The following LMLN variants were observed in gnomAD, a reference collection of about 807,000 sequenced individuals.
LMLN encodes the protein leishmanolysin-like peptidase.
A neutral mutation model predicts 92.3 loss-of-function variants in LMLN; 70 were observed. That is an observed-to-expected ratio of 0.76 (90% CI 0.63 to 0.92). The LOEUF (loss-of-function observed/expected upper bound fraction) is 0.92. Ranked by LOEUF, LMLN falls within the 40% of genes least tolerant of loss-of-function variation. The pLI is 0.00. For synonymous variants in LMLN, 308 were observed against 296.2 expected (o/e 1.04, Z -0.41); for missense variants, 691 against 814.6 (o/e 0.85, Z 1.85).
intron 10 of LMLN, 164 bp downstream of exon 10, chr3:197,996,446 G>C: frequency 2.2e-6 from 1 of 464,050 alleles, no homozygotes; most frequent in South Asian, 3.8e-5. Flanking sequence ...TACTTTTTTT[G>C]TATATACTTT....
intron 10 of LMLN, among the ~76,000 whole-genome samples, chr3:197,999,045 A>G (rs1722101756): frequency 6.6e-6 from 1 of 152,218 alleles, no homozygotes; most frequent in African/African-American, 2.4e-5. Flanking sequence ...TGCCATTCCA[A>G]GGGAATTGAA....
chr3:198,041,748 GA>G (rs1370477364), exon 16 of LMLN: 13 of 152,086 alleles, frequency 8.5e-5, no homozygotes, highest in Non-Finnish European at 1.5e-5. Context: ...TTATGATTAT[GA>G]ATCATCCTGC....
At position 198,012,073 on chromosome 3, in the gene LMLN, T is replaced by A. The variant is rs192712607; in HGVS notation, c.1233-7180T>A. Among the ~76,000 whole-genome samples the A allele has an allele frequency of 3.6e-3, 543 of 152,326 alleles. 9 individuals are homozygous for A. The highest frequency in any genetic ancestry group is 0.013 in the African/African-American group (525 of 41,568). On this transcript the variant is annotated intron_variant, in intron 11 of 15. Transcript: ENST00000330198. ...ATCAAAAAGTGTTTTTTTTATTTTT[T>A]AAATTTTTTTGAGACGGAGTTTCAC...
chr3:197,998,512 G>T (rs1437703271), intron 10 of LMLN, among the ~76,000 whole-genome samples: 1 of 152,134 alleles, frequency 6.6e-6, no homozygotes, highest in East Asian at 1.9e-4. Context: ...CAGCAGAAGC[G>T]CTGACAGTAG....
chr3:198,023,945 G>C (rs961194181), intron 13 of LMLN, among the ~76,000 whole-genome samples: 9 of 152,190 alleles, frequency 5.9e-5, no homozygotes, highest in Admixed American at 2.0e-4. Flanking sequence ...TTCAAATGTT[G>C]CAACACCCCC....
chr3:197,985,557 TATATA>T (rs1721682239), intron 7 of LMLN: 1 of 281,818 alleles, frequency 3.5e-6, no homozygotes, highest in East Asian at 6.4e-5. Context: ...AAATTTAAAA[TATATA>T]ATACATTTTA....
chr3:198,008,464 A>G (rs1158364949), intron 11 of LMLN, among the ~76,000 whole-genome samples: 1 of 152,188 alleles, frequency 6.6e-6, no homozygotes, highest in Admixed American at 6.6e-5. Context: ...GGTGGCTTAC[A>G]CTTGTAATCC....
intron 1 of LMLN, among the ~76,000 whole-genome samples, chr3:197,967,156 A>T (rs1721081809): frequency 6.6e-6 from 1 of 152,078 alleles, no homozygotes; most frequent in East Asian, 1.9e-4. Flanking sequence ...TAAATTTTAT[A>T]TTTATGGTTT....
intron 11 of LMLN, among the ~76,000 whole-genome samples, chr3:198,016,828 T>A (rs772545406): frequency 6.6e-6 from 1 of 152,202 alleles, no homozygotes; most frequent in Non-Finnish European, 1.5e-5. Flanking sequence ...GCAAGGTTTT[T>A]TTTTGAAGTC....
chr3:198,008,642 A>C (rs1424987535), intron 11 of LMLN, among the ~76,000 whole-genome samples: 3 of 152,224 alleles, frequency 2.0e-5, no homozygotes, highest in African/African-American at 7.2e-5. Flanking sequence ...CAGGAGGATC[A>C]CTTGAGCCCA....
At chr3:197,982,718 A>T (rs1721594663) in intron 6 of LMLN, among the ~76,000 whole-genome samples, 1 of 152,262 alleles carries the variant, frequency 6.6e-6, no homozygotes, top group South Asian at 2.1e-4. Context: ...GTGATTTCAA[A>T]GTATGATAAA....
intron 1 of LMLN, among the ~76,000 whole-genome samples, chr3:197,962,074 C>A (rs1323916092): frequency 6.6e-6 from 1 of 152,160 alleles, no homozygotes; most frequent in African/African-American, 2.4e-5. Context: ...ATAAAGCATA[C>A]AACCCATCAC....
exon 7 of LMLN, chr3:197,983,967 G>A (rs1348604021): frequency 1.9e-6 from 3 of 1,613,038 alleles, no homozygotes; most frequent in South Asian, 2.2e-5. Flanking sequence ...ATGCTAACCT[G>A]TGTCCAAATA....
chr3:198,021,701 C>A, intron 13 of LMLN, 96 bp downstream of exon 14: 2 of 1,092,572 alleles, frequency 1.8e-6, no homozygotes, highest in Non-Finnish European at 2.6e-6. Context: ...TAGAGCAGGA[C>A]TGTCTGAATT....
chr3:197,975,014 C>T, intron 2 of LMLN, 28 bp from the exon 3 acceptor site: 1 of 1,428,446 alleles, frequency 7.0e-7, no homozygotes. Flanking sequence ...GAGAGATAAT[C>T]CTTATGTTTT....
chr3:198,036,040 C>A, exon 15 of LMLN: 1 of 1,612,508 alleles, frequency 6.2e-7, no homozygotes, highest in Non-Finnish European at 8.5e-7. Context: ...AGCTCTGCCA[C>A]TTGGTGAGTG....
chr3:198,043,628 A>AAT (rs1295580854), exon 16 of LMLN: 1 of 152,650 alleles, frequency 6.6e-6, no homozygotes, highest in East Asian at 1.9e-4. Flanking sequence ...TAATAAGTAA[A>AAT]ATAGAAGATT....
intron 10 of LMLN, among the ~76,000 whole-genome samples, chr3:197,998,417 G>A (rs1560144796): frequency 1.3e-5 from 2 of 152,154 alleles, no homozygotes; most frequent in East Asian, 3.9e-4. Context: ...TGGGAAGTGT[G>A]GTTTTTTTTT....
exon 16 of LMLN, chr3:198,038,944 G>C (rs1173524066): frequency 1.1e-3 from 204 of 178,970 alleles, no homozygotes; most frequent in Non-Finnish European, 1.6e-3. Flanking sequence ...CAACCACCTC[G>C]TCAGCAACCC....
Sources: gnomAD v4.1 joint callset for allele counts (sites outside exome capture counted in the v4.1 genomes callset) on GRCh38, gnomAD v4.1.1 for gene constraint, MANE v1.5 for transcripts, NCBI Gene and HGNC (gene_info 2026-07-23, HGNC 2026-07-21) for gene names.